Variants in NAALADL2 observed in about 807,000 individuals in gnomAD.
The protein encoded by NAALADL2 is N-acetylated alpha-linked acidic dipeptidase like 2, also known as inactive N-acetylated-alpha-linked acidic dipeptidase-like protein 2.
In NAALADL2, 76 loss-of-function variants were observed where a neutral mutation model predicts 87.2. The observed-to-expected ratio is 0.87, with a 90% confidence interval of 0.72 to 1.05. NAALADL2 has a LOEUF of 1.05. Among genes scored for constraint, NAALADL2 ranks in the 50% least tolerant of loss-of-function variants. The pLI, the probability that NAALADL2 is intolerant of heterozygous loss-of-function variation, is 0.00. For missense variants in NAALADL2, 1,089 were observed against 945.8 expected, an observed-to-expected ratio of 1.15 and a Z score of -1.99; for synonymous variants, 354 against 331.0, an observed-to-expected ratio of 1.07 and a Z score of -0.75.
chr3:174,508,060 T>G (rs1719318729), intron 1 of NAALADL2, among the ~76,000 whole-genome samples: 1 of 151,854 alleles, frequency 6.6e-6, no homozygotes, highest in Non-Finnish European at 1.5e-5. Context: ...TTCACATGCT[T>G]GCCAACACTT....
At chr3:175,349,772 G>T (rs754885122) in intron 5 of NAALADL2, among the ~76,000 whole-genome samples, 14 of 151,994 alleles carry the variant, frequency 9.2e-5, no homozygotes, top group Non-Finnish European at 1.9e-4. Context: ...ATATACCCCC[G>T]TTTTTAAAAA....
chr3:175,114,776 CATTATTT>C (rs1724817556), intron 2 of NAALADL2, among the ~76,000 whole-genome samples: 1 of 151,528 alleles, frequency 6.6e-6, no homozygotes, highest in Non-Finnish European at 1.5e-5. Context: ...AAGATTGAGA[CATTATTT>C]ATTACATAGT....
intron 4 of NAALADL2, among the ~76,000 whole-genome samples, chr3:175,300,836 A>G (rs1202606458): frequency 6.6e-6 from 1 of 151,114 alleles, no homozygotes; most frequent in Admixed American, 6.6e-5. Context: ...TCCGCCTCCC[A>G]GGTTCAAGAG....
intron 2 of NAALADL2, among the ~76,000 whole-genome samples, chr3:174,640,743 T>C: frequency 6.6e-6 from 1 of 152,198 alleles, no homozygotes. Context: ...GGATTTTGCC[T>C]GCGTGCTTGA....
chr3:174,880,544 C>A (rs1217690999), intron 1 of NAALADL2, among the ~76,000 whole-genome samples: 1 of 151,916 alleles, frequency 6.6e-6, no homozygotes, highest in Non-Finnish European at 1.5e-5. Flanking sequence ...GATGGGTTAC[C>A]TTACTTCTAC....
chr3:174,999,228 A>G (rs974175764), intron 1 of NAALADL2, among the ~76,000 whole-genome samples: 2 of 152,236 alleles, frequency 1.3e-5, no homozygotes, highest in East Asian at 1.9e-4. Flanking sequence ...TCCCCAGTCC[A>G]TTGGTCTTGC....
At chr3:174,946,548 T>C (rs991885027) in intron 1 of NAALADL2, among the ~76,000 whole-genome samples, 3 of 152,230 alleles carry the variant, frequency 2.0e-5, no homozygotes, top group Non-Finnish European at 4.4e-5. Context: ...GAACAGTGCA[T>C]GTTATAGTAT....
At chr3:175,499,725 C>T (rs1392550811) in intron 9 of NAALADL2, among the ~76,000 whole-genome samples, 1 of 152,060 alleles carries the variant, frequency 6.6e-6, no homozygotes, top group Non-Finnish European at 1.5e-5. Context: ...CCAATTTCAT[C>T]AGTTATTGCA....
chr3:174,598,349 T>TAGAG (rs967174570), intron 2 of NAALADL2, among the ~76,000 whole-genome samples: 1 of 152,164 alleles, frequency 6.6e-6, no homozygotes, highest in African/African-American at 2.4e-5. Flanking sequence ...TTTAATTACT[T>TAGAG]AGAGCCTTTT....
intron 1 of NAALADL2, among the ~76,000 whole-genome samples, chr3:174,966,926 C>T (rs1194875000): frequency 1.3e-5 from 2 of 151,894 alleles, no homozygotes; most frequent in African/African-American, 4.8e-5. Flanking sequence ...AAATAAGTGA[C>T]ATAAAGGTGG....
intron 1 of NAALADL2, among the ~76,000 whole-genome samples, chr3:174,860,054 G>A (rs1726293187): frequency 6.6e-6 from 1 of 152,028 alleles, no homozygotes; most frequent in African/African-American, 2.4e-5. Flanking sequence ...GGCATCTCTG[G>A]TTAGAGGCTT....
At chr3:175,543,161 G>C (rs540995757) in intron 9 of NAALADL2, among the ~76,000 whole-genome samples, 23 of 152,030 alleles carry the variant, frequency 1.5e-4, no homozygotes, top group African/African-American at 5.5e-4. Flanking sequence ...TTTTTCCACT[G>C]CCCTTCCATT....
intron 2 of NAALADL2, among the ~76,000 whole-genome samples, chr3:175,233,515 C>T (rs1745320540): frequency 6.6e-6 from 1 of 152,164 alleles, no homozygotes; most frequent in Admixed American, 6.6e-5. Context: ...CATCCTAGCT[C>T]ACTGCAGCCT....
chr3:175,078,464 T>C (rs894115932), intron 1 of NAALADL2, among the ~76,000 whole-genome samples: 1 of 152,148 alleles, frequency 6.6e-6, no homozygotes, highest in Non-Finnish European at 1.5e-5. Context: ...ATATGAAGTG[T>C]GCAATTTGAT....
intron 9 of NAALADL2, among the ~76,000 whole-genome samples, chr3:175,525,766 CAT>C (rs1733318074): frequency 6.6e-6 from 1 of 152,028 alleles, no homozygotes; most frequent in African/African-American, 2.4e-5. Flanking sequence ...AAAAAGATGT[CAT>C]ATATTACAAA....
chr3:174,463,545 G>C (rs779625243), intron 1 of NAALADL2, among the ~76,000 whole-genome samples: 1 of 150,806 alleles, frequency 6.6e-6, no homozygotes, highest in Non-Finnish European at 1.5e-5. Context: ...CATATCTCAA[G>C]TTCTTTTGTG....
intron 4 of NAALADL2, among the ~76,000 whole-genome samples, chr3:175,277,001 G>C (rs1327568194): frequency 1.3e-5 from 2 of 152,058 alleles, no homozygotes; most frequent in Non-Finnish European, 2.9e-5. Flanking sequence ...AAAAAACACT[G>C]ATAATTGAAC....
At chr3:174,693,958 A>C (rs976697177) in intron 2 of NAALADL2, among the ~76,000 whole-genome samples, 1 of 152,134 alleles carries the variant, frequency 6.6e-6, no homozygotes, top group African/African-American at 2.4e-5. Context: ...CAGAATTAAC[A>C]TTGGAACTGG....
At chr3:174,442,134 C>T (rs1310283300) in intron 1 of NAALADL2, among the ~76,000 whole-genome samples, 2 of 152,148 alleles carry the variant, frequency 1.3e-5, no homozygotes, top group African/African-American at 4.8e-5. Context: ...AGATTCTGTG[C>T]TGACTGGTGA....
Sources: allele counts gnomAD v4.1 joint callset (sites outside exome capture counted in the v4.1 genomes callset), GRCh38; gene constraint gnomAD v4.1.1; transcripts MANE v1.5; gene names NCBI Gene and HGNC (gene_info 2026-07-23, HGNC 2026-07-21).